Variants in EARS2 observed in about 807,000 individuals in gnomAD.
EARS2 encodes glutamyl-tRNA synthetase 2, mitochondrial.
In EARS2, 50 loss-of-function variants were observed where a neutral mutation model predicts 54.1. The observed-to-expected ratio is 0.92, with a 90% CI of 0.74 to 1.17. The LOEUF (loss-of-function observed/expected upper bound fraction) is 1.17. EARS2 is among the 50% of genes most tolerant of loss of function. The pLI is 0.00. For synonymous variants in EARS2, 298 were observed against 281.0 expected (o/e 1.06, Z -0.61); for missense variants, 673 against 675.0 (o/e 1.00, Z 0.03).
intron 3 of EARS2, among the ~76,000 whole-genome samples, chr16:23,541,683 T>C (rs1188918913): frequency 7.0e-6 from 1 of 143,448 alleles, no homozygotes; most frequent in Non-Finnish European, 1.5e-5. Flanking sequence ...TTTCAATATA[T>C]ATCTTTGTGG....
rs1399700635 is a variant in EARS2 at position 23,522,840 on chromosome 16, T to C, written c.*1531A>G. 6.6e-6 allele frequency: 1 copy of C among 152,198 alleles called. No homozygotes were observed. Among genetic ancestry groups the C allele is most frequent in the Non-Finnish European group, 1.5e-5 (1 of 68,038 alleles). 9.4% of individuals were successfully genotyped at this position (152,198 alleles called of 1,614,324 possible). ...CATAGAGGTCACAAGCGAGATCAGCTAGGATTGCGGTCATGTGAATGCTTG... is the reference window on the plus strand; with the variant it reads ...CATAGAGGTCACAAGCGAGATCAGCCAGGATTGCGGTCATGTGAATGCTTG... On this transcript the variant is annotated 3_prime_UTR_variant, in exon 9 of 9. Transcript: ENST00000449606.
intron 1 of EARS2, among the ~76,000 whole-genome samples, chr16:23,555,067 T>C (rs1005445899): frequency 6.6e-6 from 1 of 152,230 alleles, no homozygotes; most frequent in South Asian, 2.1e-4. Context: ...GTGTATTAAG[T>C]GCTTTCTGGG....
chr16:23,529,587 A>G lies in EARS2; in HGVS notation c.1267T>C (p.Tyr423His), dbSNP rs1486708948. 5.6e-6 allele frequency: 9 copies of G among 1,614,162 alleles called. No individual in the cohort carries two copies. The highest frequency in any genetic ancestry group is 7.6e-6 in the Non-Finnish European group (9 of 1,180,016). ...LQDLVSPVYS[Y>H]LWTRPAVGRA... ...CCTACTGCAGGGCGAGTCCACAGGT[A>G]AGAGTATACTGGGGACACCAAGTCC... Residue 423 changes from tyrosine (Y) to histidine (H), a missense_variant, in exon 7 of 9, where the codon TAC becomes CAC. Physicochemically the swap from Tyr to His is moderately conservative, Grantham distance 83 (BLOSUM62 2). Around this residue, in one of 3 missense-constraint regions of EARS2, gnomAD observed 338 missense variants for 361.2 expected, o/e 0.94. Transcript: ENST00000449606.
Position 23,534,943 on chromosome 16 carries a change from G to A in EARS2, c.903C>T (p.Gly301=), listed in dbSNP as rs1178111171. 6.2e-7 allele frequency: 1 copy of A among 1,607,488 alleles called. No homozygotes were observed. Among genetic ancestry groups the A allele is most frequent in the Admixed American group, 1.7e-5 (1 of 59,700 alleles). Reference sequence around the variant, plus strand: ...TGTCCAACAAGGAATCGGGCAGGAAGCCATCAGCAGCAAAGTGCTCCAGGA... The same window carrying A: ...TGTCCAACAAGGAATCGGGCAGGAAACCATCAGCAGCAAAGTGCTCCAGGA... ...DVFLEHFAAD[G]FLPDSLLDII... is the part of the protein sequence containing the mutation. The change falls in exon 4 of 9, where the codon GGC becomes GGT. Residue 301 remains glycine (G), a synonymous_variant. Transcript: ENST00000449606.
intron 3 of EARS2, among the ~76,000 whole-genome samples, chr16:23,541,495 C>A (rs1024847743): frequency 1.6e-4 from 25 of 152,136 alleles, no homozygotes; most frequent in African/African-American, 5.3e-4. Context: ...TAAATTGCAC[C>A]ACATAGCATG....
intron 2 of EARS2, among the ~76,000 whole-genome samples, chr16:23,547,902 G>A (rs956193727): frequency 6.6e-6 from 1 of 151,296 alleles, no homozygotes; most frequent in African/African-American, 2.4e-5. Context: ...TTCGAAACCA[G>A]CCTGGGCAAC....
intron 1 of EARS2, chr16:23,556,812 C>T (rs1341199601): frequency 6.5e-6 from 3 of 462,230 alleles, no homozygotes; most frequent in African/African-American, 6.0e-5. Flanking sequence ...GCACATGTGA[C>T]TCTAAAATTA....
At chr16:23,527,442 T>C (rs1270853356) in intron 7 of EARS2, among the ~76,000 whole-genome samples, 1 of 152,110 alleles carries the variant, frequency 6.6e-6, no homozygotes, top group Non-Finnish European at 1.5e-5. Flanking sequence ...CTCAGGGAAC[T>C]GGGTTCATAA....
intron 2 of EARS2, among the ~76,000 whole-genome samples, chr16:23,546,640 C>T (rs995273678): frequency 1.3e-5 from 2 of 152,234 alleles, no homozygotes; most frequent in African/African-American, 4.8e-5. Flanking sequence ...ATTGAAGCCT[C>T]AACCTCTCAG....
chr16:23,547,991 G>A (rs1267793151), intron 2 of EARS2, among the ~76,000 whole-genome samples: 1 of 151,924 alleles, frequency 6.6e-6, no homozygotes, highest in Non-Finnish European at 1.5e-5. Flanking sequence ...AGCACTTTGG[G>A]AGGCTGAGGC....
chr16:23,546,534 G>A (rs376276351), intron 2 of EARS2: 48 of 438,570 alleles, frequency 1.1e-4, no homozygotes, highest in African/African-American at 6.9e-4. Flanking sequence ...GCCTGTGACC[G>A]GTGCTCTCTA....
At chr16:23,546,054 G>C (rs73548366) in intron 2 of EARS2, among the ~76,000 whole-genome samples, 5,762 of 152,262 alleles carry the variant, frequency 0.038, 217 homozygotes, top group African/African-American at 0.09. Context: ...CCTGTGCAGA[G>C]GGAATTGTGA....
intron 3 of EARS2, among the ~76,000 whole-genome samples, chr16:23,541,568 G>A (rs1965512491): frequency 6.6e-6 from 1 of 152,118 alleles, no homozygotes; most frequent in Non-Finnish European, 1.5e-5. Context: ...TGTACTTATA[G>A]GTATATGTAC....
intron 1 of EARS2, among the ~76,000 whole-genome samples, chr16:23,556,291 G>A (rs2234418): frequency 1.8e-3 from 280 of 152,334 alleles, no homozygotes; most frequent in East Asian, 0.018. Context: ...CCTCTAGCTT[G>A]CTAAGCTCCC....
intron 4 of EARS2, among the ~76,000 whole-genome samples, chr16:23,533,983 G>C (rs1158830838): frequency 6.6e-6 from 1 of 152,002 alleles, no homozygotes; most frequent in African/African-American, 2.4e-5. Flanking sequence ...TTGAACCCAG[G>C]AGACGGAGGT....
Position 23,544,627 on chromosome 16 carries a change from A to G in EARS2, c.372T>C (p.Tyr124=). Reference sequence around the variant, plus strand: ...TCAGCAGCGCTTCTGTGGCCTGGGCATACAGCTCCAACCGCTGAGATTGCT... The same window carrying G: ...TCAGCAGCGCTTCTGTGGCCTGGGCGTACAGCTCCAACCGCTGAGATTGCT... ...PYQQSQRLEL[Y]AQATEALLKT... Residue 124 remains tyrosine (Y), a synonymous_variant, in exon 3 of 9, where the codon TAT becomes TAC. Coordinates refer to ENST00000449606, the MANE Select transcript of EARS2 (RefSeq NM_001083614.2). 1 of 1,612,976 alleles carries G rather than the reference A, an allele frequency of 6.2e-7. No individual in the cohort carries two copies. The highest frequency in any genetic ancestry group is 8.5e-7 in the Non-Finnish European group (1 of 1,179,754).
intron 1 of EARS2, among the ~76,000 whole-genome samples, chr16:23,552,670 TG>T (rs1226559381): frequency 2.0e-5 from 3 of 152,230 alleles, no homozygotes; most frequent in African/African-American, 7.2e-5. Flanking sequence ...TTTGTATTTT[TG>T]GTAGAGACAG....
At chr16:23,546,836 C>T (rs187173277) in intron 2 of EARS2, among the ~76,000 whole-genome samples, 8 of 152,344 alleles carry the variant, frequency 5.3e-5, no homozygotes, top group East Asian at 1.9e-4. Flanking sequence ...GGATTATAGG[C>T]GTGAGCCATG....
At position 23,521,028 on chromosome 16, in the gene EARS2, G is replaced by A. The variant is rs983749337; in HGVS notation, c.*3343C>T. 2.0e-5 allele frequency among the ~76,000 whole-genome samples: 3 copies of A among 152,176 alleles called. No homozygotes were observed. Among genetic ancestry groups the A allele is most frequent in the African/African-American group, 4.8e-5 (2 of 41,448 alleles). ...GCTGGTCTTGAACTCCCGGCCTCAA[G>A]TGATCTGCCTGCCTTGGCCTCCCAA... is the stretch of plus-strand genomic sequence containing the variant. On this transcript the variant is annotated 3_prime_UTR_variant, in exon 9 of 9. Transcript: ENST00000449606.
Sources: allele counts gnomAD v4.1 joint callset (sites outside exome capture counted in the v4.1 genomes callset), GRCh38; gene constraint gnomAD v4.1.1; regional missense constraint gnomAD v4.1.1; transcripts MANE v1.5; gene names NCBI Gene and HGNC (gene_info 2026-07-23, HGNC 2026-07-21).